The following NEK11 variants were observed in gnomAD, a reference collection of about 807,000 sequenced individuals.
NEK11 encodes the protein NIMA related kinase 11, also known as serine/threonine-protein kinase Nek11.
Under a neutral mutation model 80.7 loss-of-function variants are expected in NEK11, and 72 were observed. The ratio of observed to expected loss-of-function variants is 0.89; its 90% CI spans 0.74 to 1.08. NEK11 has a LOEUF of 1.08. Ranked by LOEUF, NEK11 falls within the 50% of genes least tolerant of loss-of-function variation. The pLI, the probability that NEK11 is intolerant of heterozygous loss-of-function variation, is 0.00. For missense variants in NEK11, 764 were observed against 763.6 expected, an observed-to-expected ratio of 1.00 and a Z score of -0.01; for synonymous variants, 251 against 260.7, an observed-to-expected ratio of 0.96 and a Z score of 0.36.
intron 14 of NEK11, among the ~76,000 whole-genome samples, chr3:131,208,480 G>A (rs1255382925): frequency 6.6e-6 from 1 of 152,150 alleles, no homozygotes; most frequent in Admixed American, 6.5e-5. Context: ...CTTTAAAATA[G>A]TTTTTTCCAA....
intron 16 of NEK11, among the ~76,000 whole-genome samples, chr3:131,256,732 C>G (rs2095823138): frequency 6.6e-6 from 1 of 152,032 alleles, no homozygotes. Context: ...TAGCTATCAC[C>G]CAGGGCCACA....
intron 3 of NEK11, among the ~76,000 whole-genome samples, chr3:131,047,384 C>G (rs1263002806): frequency 6.6e-6 from 1 of 152,136 alleles, no homozygotes; most frequent in Non-Finnish European, 1.5e-5. Flanking sequence ...TTTTCTGGTG[C>G]CTTCTCCTTT....
At chr3:131,232,394 T>C (rs1287909983) in intron 15 of NEK11, among the ~76,000 whole-genome samples, 1 of 152,228 alleles carries the variant, frequency 6.6e-6, no homozygotes, top group African/African-American at 2.4e-5. Flanking sequence ...GACTAATAAA[T>C]GGCTCAGATG....
chr3:131,082,289 A>C (rs1038927591), intron 4 of NEK11, among the ~76,000 whole-genome samples: 2 of 152,190 alleles, frequency 1.3e-5, no homozygotes, highest in Non-Finnish European at 2.9e-5. Context: ...TAATTTGTTC[A>C]TATTTCTTCT....
chr3:131,282,734 C>G (rs1408085808), intron 17 of NEK11, among the ~76,000 whole-genome samples: 1 of 152,178 alleles, frequency 6.6e-6, no homozygotes, highest in Non-Finnish European at 1.5e-5. Context: ...CTAAACAGAA[C>G]ATGAGAAGTC....
chr3:131,225,438 A>T (rs1035268045), intron 14 of NEK11, among the ~76,000 whole-genome samples: 13 of 152,218 alleles, frequency 8.5e-5, no homozygotes, highest in Non-Finnish European at 2.9e-5. Flanking sequence ...GTGATGCATG[A>T]CTTATTTCTT....
chr3:131,338,265 GGTTT>G (rs1311371742), intron 17 of NEK11, among the ~76,000 whole-genome samples: 5 of 91,602 alleles, frequency 5.5e-5, no homozygotes, highest in East Asian at 3.0e-4. Flanking sequence ...GCGCCCAGCT[GGTTT>G]TTTTTTTTTT....
chr3:131,070,675 A>G (rs2073119165), intron 3 of NEK11, among the ~76,000 whole-genome samples: 1 of 152,242 alleles, frequency 6.6e-6, no homozygotes, highest in South Asian at 2.1e-4. Context: ...AAGAAAGCAG[A>G]TGTCAGGAGT....
At chr3:131,320,714 T>C (rs1327061104) in intron 17 of NEK11, among the ~76,000 whole-genome samples, 1 of 152,048 alleles carries the variant, frequency 6.6e-6, no homozygotes, top group Non-Finnish European at 1.5e-5. Context: ...GTCAGAATTC[T>C]ATGTCAATGC....
chr3:131,149,989 T>C (rs986565478), intron 7 of NEK11, among the ~76,000 whole-genome samples: 1 of 152,218 alleles, frequency 6.6e-6, no homozygotes, highest in African/African-American at 2.4e-5. Flanking sequence ...TGTAAGCACC[T>C]TAACTGCATT....
intron 3 of NEK11, among the ~76,000 whole-genome samples, chr3:131,050,839 G>A (rs570373351): frequency 1.1e-4 from 17 of 151,362 alleles, no homozygotes; most frequent in African/African-American, 3.9e-4. Context: ...GACCAGACTG[G>A]GCAACATTGG....
intron 4 of NEK11, among the ~76,000 whole-genome samples, chr3:131,091,286 GA>G (rs2076692598): frequency 6.6e-6 from 1 of 152,198 alleles, no homozygotes; most frequent in Non-Finnish European, 1.5e-5. Flanking sequence ...AGGCAATGGG[GA>G]GTTTGGCTAT....
At chr3:131,293,314 C>T (rs1014517953) in intron 17 of NEK11, among the ~76,000 whole-genome samples, 1 of 151,980 alleles carries the variant, frequency 6.6e-6, no homozygotes. Flanking sequence ...TGTATTTTGT[C>T]AAAAGCTTTT....
Position 131,238,831 on chromosome 3 carries a change from A to G in NEK11, c.1561-4605A>G, listed in dbSNP as rs367568562. On this transcript the variant is annotated intron_variant, in intron 15 of 17. Coordinates refer to ENST00000383366, the MANE Select transcript of NEK11 (RefSeq NM_024800.5). ...TATTCTTTACCTTGCTTTAGGTGGC[A>G]TATACACAGGTGTATACATTTTTGA... Among the ~76,000 whole-genome samples the G allele has an allele frequency of 1.3e-4, 20 of 152,282 alleles. 1 individual carries two copies. In the East Asian group the frequency reaches 1.5e-3, roughly 12 times the overall value.
At chr3:131,033,722 T>TA (rs2065218105) in intron 3 of NEK11, among the ~76,000 whole-genome samples, 1 of 152,242 alleles carries the variant, frequency 6.6e-6, no homozygotes, top group African/African-American at 2.4e-5. Context: ...AATTACAATG[T>TA]AAATACCATA....
intron 3 of NEK11, among the ~76,000 whole-genome samples, chr3:131,036,351 A>G (rs1260266085): frequency 6.6e-6 from 1 of 152,226 alleles, no homozygotes; most frequent in Non-Finnish European, 1.5e-5. Context: ...TGGAATCACA[A>G]TATTTAGAAA....
At chr3:131,053,327 C>T (rs2068760455) in intron 3 of NEK11, 1 of 152,172 alleles carries the variant, frequency 6.6e-6, no homozygotes, top group African/African-American at 2.4e-5. Flanking sequence ...CTTTTAATTT[C>T]ACCGGCTAAA....
At chr3:131,064,967 G>C (rs1305352436) in intron 3 of NEK11, among the ~76,000 whole-genome samples, 2 of 152,166 alleles carry the variant, frequency 1.3e-5, no homozygotes, top group South Asian at 2.1e-4. Flanking sequence ...AAAGGGTAGA[G>C]ACAGTGTGTC....
At chr3:131,204,762 G>A (rs75678306) in intron 14 of NEK11, among the ~76,000 whole-genome samples, 2 of 152,042 alleles carry the variant, frequency 1.3e-5, no homozygotes, top group East Asian at 3.9e-4. Context: ...TTTTCTAGTG[G>A]AAGGACTTAG....
Sources: gnomAD v4.1 joint callset for allele counts (sites outside exome capture counted in the v4.1 genomes callset) on GRCh38, gnomAD v4.1.1 for gene constraint, MANE v1.5 for transcripts, NCBI Gene and HGNC (gene_info 2026-07-23, HGNC 2026-07-21) for gene names.